Variants in DNAJC15 observed in about 807,000 individuals in gnomAD.
DNAJC15 encodes the protein DnaJ heat shock protein family (Hsp40) member C15.
A neutral mutation model predicts 22.4 loss-of-function variants in DNAJC15; 27 were observed. The ratio of observed to expected loss-of-function variants is 1.20; its 90% CI spans 0.89 to 1.66. The LOEUF (loss-of-function observed/expected upper bound fraction) is 1.66. Among genes scored for constraint, DNAJC15 ranks in the 40% most tolerant of loss-of-function variants. The pLI, the probability that DNAJC15 is intolerant of heterozygous loss-of-function variation, is 0.00. For missense variants in DNAJC15, 208 were observed against 187.1 expected (o/e 1.11, Z -0.65); for synonymous variants, 79 against 63.2 (o/e 1.25, Z -1.19).
intron 5 of DNAJC15, among the ~76,000 whole-genome samples, chr13:43,099,043 A>G (rs755180065): frequency 4.6e-5 from 7 of 152,096 alleles, no homozygotes; most frequent in Non-Finnish European, 7.4e-5. Flanking sequence ...ATGTTTTTCT[A>G]TTTATTTAGA....
chr13:43,053,234 G>A (rs2040513738), intron 1 of DNAJC15, among the ~76,000 whole-genome samples: 1 of 152,052 alleles, frequency 6.6e-6, no homozygotes, highest in Admixed American at 6.6e-5. Context: ...TTTATTTCTG[G>A]GTTCTCTATT....
At chr13:43,089,049 A>G (rs1287770206) in intron 5 of DNAJC15, among the ~76,000 whole-genome samples, 3 of 152,216 alleles carry the variant, frequency 2.0e-5, no homozygotes, top group African/African-American at 7.2e-5. Flanking sequence ...TATAACTTAT[A>G]TGGCTGACAC....
rs1237436612 is a variant in DNAJC15 at position 43,107,164 on chromosome 13, C to T, written c.383-14C>T. 6.5e-7 allele frequency: 1 copy of T among 1,543,452 alleles called. No homozygotes were observed. The highest frequency in any genetic ancestry group is 8.7e-7 in the Non-Finnish European group (1 of 1,151,864). Reference sequence around the variant, plus strand: ...ATGAAATGTATTTTAATTCATTTTTCTTTGTTCTCTCAGGTGGATCTCCTT... The same window carrying T: ...ATGAAATGTATTTTAATTCATTTTTTTTTGTTCTCTCAGGTGGATCTCCTT... On this transcript the variant is annotated splice_polypyrimidine_tract_variant and intron_variant, in intron 5 of 5. Transcript: ENST00000379221.
intron 1 of DNAJC15, among the ~76,000 whole-genome samples, chr13:43,032,148 C>T (rs1255162458): frequency 2.6e-5 from 4 of 152,178 alleles, no homozygotes; most frequent in South Asian, 2.1e-4. Context: ...GAGGAAGGGG[C>T]GGTAATACCG....
chr13:43,099,174 A>G (rs746902949), intron 5 of DNAJC15, among the ~76,000 whole-genome samples: 14 of 151,934 alleles, frequency 9.2e-5, no homozygotes, highest in Non-Finnish European at 4.4e-5. Flanking sequence ...TTATTTTATA[A>G]TTTTATTTTC....
intron 1 of DNAJC15, among the ~76,000 whole-genome samples, chr13:43,035,417 A>G (rs147143323): frequency 0.01 from 1,583 of 152,316 alleles, 27 homozygotes; most frequent in African/African-American, 0.032. Flanking sequence ...ATGGTCTTCA[A>G]GAGAATGATT....
At chr13:43,093,352 C>A (rs1178636879) in intron 5 of DNAJC15, among the ~76,000 whole-genome samples, 1 of 152,184 alleles carries the variant, frequency 6.6e-6, no homozygotes, top group African/African-American at 2.4e-5. Flanking sequence ...TGGATTCTAT[C>A]TGTGAGTATT....
At chr13:43,033,780 G>A (rs9533354) in intron 1 of DNAJC15, among the ~76,000 whole-genome samples, 47,170 of 151,832 alleles carry the variant, frequency 0.31, 7,428 homozygotes, top group South Asian at 0.51. Flanking sequence ...TGTAATCCCA[G>A]CACTTTGGGA....
chr13:43,089,732 GTTAACTT>G (rs1197058534), intron 5 of DNAJC15, among the ~76,000 whole-genome samples: 1 of 152,202 alleles, frequency 6.6e-6, no homozygotes, highest in Non-Finnish European at 1.5e-5. Context: ...GGAAGTTACT[GTTAACTT>G]TTAAACAGTA....
At position 43,070,917 on chromosome 13, in the gene DNAJC15, AGATAGTCCGGGT is replaced by A. The variant is rs1458114537; in HGVS notation, c.234+1920_234+1931del. On this transcript the variant is annotated intron_variant, in intron 3 of 5. Coordinates refer to ENST00000379221, the MANE Select transcript of DNAJC15 (RefSeq NM_013238.3). ...CTGTGAAACCAGTAAGCGGGTATTG[AGATAGTCCGGGT>A]GATAGATGATGGTGGCTTGAAATAG... 2.0e-5 allele frequency among the ~76,000 whole-genome samples: 3 copies of A among 152,140 alleles called. No homozygotes were observed. In the East Asian group the frequency reaches 5.8e-4, roughly 29 times the overall value.
At position 43,110,383 on chromosome 13, in the gene DNAJC15, C is replaced by A. The variant is rs542265877; in HGVS notation, c.*3135C>A. ...TTGGCCTAAGAATTACAGAGCCTGCCTCGATTCAAAGGGAGAGGATAGAGA... is the reference window on the plus strand; with the variant it reads ...TTGGCCTAAGAATTACAGAGCCTGCATCGATTCAAAGGGAGAGGATAGAGA... On this transcript the variant is annotated 3_prime_UTR_variant, in exon 6 of 6. Coordinates refer to ENST00000379221, the MANE Select transcript of DNAJC15 (RefSeq NM_013238.3). 2 of 152,258 alleles carry A rather than the reference C, an allele frequency of 1.3e-5. No homozygotes were observed. Among genetic ancestry groups the A allele is most frequent in the South Asian group, 4.1e-4 (2 of 4,828 alleles). 9.4% of individuals were successfully genotyped at this position (152,258 alleles called of 1,614,324 possible). A position where few individuals can be genotyped will look rare whatever the true frequency, so the allele number is the denominator to read the frequency against.
In DNAJC15 at chr13:43,087,225, A is replaced by T. The variant is rs775103106; in HGVS notation, c.382+1387A>T. ...TCTGAGAATATATTGACAACTGTGG[A>T]CTTTTTTTCCATATAACTGCTCATT... On this transcript the variant is annotated intron_variant, in intron 5 of 5. Transcript: ENST00000379221. Among the ~76,000 whole-genome samples, 74 of 152,166 alleles carry T rather than the reference A, an allele frequency of 4.9e-4. 2 individuals are homozygous for T. The highest frequency in any genetic ancestry group is 3.9e-4 in the Admixed American group (6 of 15,272).
chr13:43,066,805 T>C (rs1166986334), intron 2 of DNAJC15, among the ~76,000 whole-genome samples: 1 of 152,112 alleles, frequency 6.6e-6, no homozygotes, highest in Non-Finnish European at 1.5e-5. Context: ...TTTGTATTTT[T>C]AGTATAAAAA....
chr13:43,104,876 A>T (rs1009964281), intron 5 of DNAJC15, among the ~76,000 whole-genome samples: 1 of 151,250 alleles, frequency 6.6e-6, no homozygotes, highest in African/African-American at 2.4e-5. Context: ...TTTTGTAGAG[A>T]CAGAGTCTTA....
chr13:43,064,914 C>A (rs9525730), intron 1 of DNAJC15, among the ~76,000 whole-genome samples: 1 of 150,030 alleles, frequency 6.7e-6, no homozygotes, highest in South Asian at 2.1e-4. Flanking sequence ...ATACCTAAAT[C>A]TAAGGGAGGC....
At chr13:43,039,669 C>T (rs2040444196) in intron 1 of DNAJC15, among the ~76,000 whole-genome samples, 1 of 152,150 alleles carries the variant, frequency 6.6e-6, no homozygotes. Context: ...GTGAAAAAGG[C>T]CCTTTCCTTC....
At chr13:43,104,155 C>T (rs749750897) in intron 5 of DNAJC15, among the ~76,000 whole-genome samples, 8 of 152,104 alleles carry the variant, frequency 5.3e-5, no homozygotes, top group Non-Finnish European at 1.0e-4. Flanking sequence ...AAGACATACA[C>T]CATTTCCATA....
intron 1 of DNAJC15, among the ~76,000 whole-genome samples, chr13:43,061,715 G>T (rs1012929772): frequency 6.6e-6 from 1 of 152,230 alleles, no homozygotes; most frequent in African/African-American, 2.4e-5. Flanking sequence ...TTCAGAGCGA[G>T]AACTCACTTA....
Position 43,107,281 on chromosome 13 carries a change from AGG to A in DNAJC15, c.*36_*37del, listed in dbSNP as rs2040801635. 15 of 1,465,186 alleles carry A rather than the reference AGG, an allele frequency of 1.0e-5. No individual in the cohort carries two copies. The highest frequency in any genetic ancestry group is 1.2e-5 in the Non-Finnish European group (13 of 1,102,084). The allele number at this position is 1,465,186 out of a possible 1,614,324, so 90.8% of individuals were successfully genotyped here. Reference sequence around the variant, plus strand: ...GGACCACACTGAAGGAAAAAAAAAGAGGGGACTTCGAAAAAAAAAAAAGCCCT... The same window carrying A: ...GGACCACACTGAAGGAAAAAAAAAGAGGACTTCGAAAAAAAAAAAAGCCCT... On this transcript the variant is annotated 3_prime_UTR_variant, in exon 6 of 6. Coordinates refer to ENST00000379221, the MANE Select transcript of DNAJC15 (RefSeq NM_013238.3).
Sources: gnomAD v4.1 joint callset for allele counts (sites outside exome capture counted in the v4.1 genomes callset) on GRCh38, gnomAD v4.1.1 for gene constraint, MANE v1.5 for transcripts, NCBI Gene and HGNC (gene_info 2026-07-23, HGNC 2026-07-21) for gene names.